Variants in SUGP1 observed in about 807,000 individuals in gnomAD.
SUGP1 encodes SURP and G-patch domain containing 1, also known as SURP and G-patch domain-containing protein 1.
SUGP1 carries 34 observed loss-of-function variants against 76.5 expected under a neutral mutation model. The ratio of observed to expected loss-of-function variants is 0.44; its 90% CI spans 0.34 to 0.59. The LOEUF is 0.59. Among genes scored for constraint, SUGP1 ranks in the 20% least tolerant of loss-of-function variants. SUGP1 has a pLI of 0.01. For synonymous variants in SUGP1, 326 were observed against 326.2 expected (o/e 1.00, Z 0.01); for missense variants, 752 against 851.7 (o/e 0.88, Z 1.46).
In SUGP1 at chr19:19,320,460, T is replaced by A; in HGVS notation, c.34+3A>T. 6.2e-7 allele frequency: 1 copy of A among 1,609,748 alleles called. No individual in the cohort carries two copies. Among genetic ancestry groups the A allele is most frequent in the Non-Finnish European group, 8.5e-7 (1 of 1,178,390 alleles). ...CCGCCTGAGAGGAGGCGGGGGCTGT[T>A]ACCTGCAACATCCCGGTTGTCCATC... On this transcript the variant is annotated splice_donor_region_variant and intron_variant, in intron 1 of 13. Coordinates refer to ENST00000247001, the MANE Select transcript of SUGP1 (RefSeq NM_172231.4).
At chr19:19,298,468 A>G (rs566047395) in intron 7 of SUGP1, among the ~76,000 whole-genome samples, 1 of 152,338 alleles carries the variant, frequency 6.6e-6, no homozygotes, top group East Asian at 1.9e-4. Context: ...ACTGCACTCC[A>G]GCCTGGACCA....
chr19:19,280,623 G>A (rs2061091133), intron 8 of SUGP1: 1 of 290,142 alleles, frequency 3.4e-6, no homozygotes, highest in Admixed American at 4.5e-5. Context: ...TGCAGAGCCA[G>A]AGACAAGAGA....
At chr19:19,312,631 A>C (rs2061360463) in intron 2 of SUGP1, among the ~76,000 whole-genome samples, 1 of 152,242 alleles carries the variant, frequency 6.6e-6, no homozygotes, top group Admixed American at 6.5e-5. Context: ...CGGGCCATCC[A>C]CAGGGAAGAT....
Position 19,276,332 on chromosome 19 carries a change from T to G in SUGP1, c.*316A>C. The G allele has an allele frequency of 3.2e-6, 1 of 315,194 alleles. No individual in the cohort carries two copies. The highest frequency in any genetic ancestry group is 6.0e-6 in the Non-Finnish European group (1 of 165,652). 19.5% of individuals were successfully genotyped at this position (315,194 alleles called of 1,614,324 possible). ...TCTCAAAGTGCTGGGATGACAGGGG[T>G]GAGACACTGCACCTGGCCTTCCAGC... On this transcript the variant is annotated 3_prime_UTR_variant, in exon 14 of 14. Transcript: ENST00000247001.
At chr19:19,282,941 G>C (rs1388588953) in intron 8 of SUGP1, among the ~76,000 whole-genome samples, 1 of 152,124 alleles carries the variant, frequency 6.6e-6, no homozygotes, top group African/African-American at 2.4e-5. Flanking sequence ...GCCAGGCGTG[G>C]TGGCAGGCGC....
At chr19:19,309,844 G>A (rs1599869142) in intron 3 of SUGP1, among the ~76,000 whole-genome samples, 3 of 152,184 alleles carry the variant, frequency 2.0e-5, no homozygotes, top group Non-Finnish European at 4.4e-5. Flanking sequence ...CCCGGGAGGC[G>A]GAGCTTGCAG....
At chr19:19,306,170 T>TG in intron 3 of SUGP1, 94 bp from the exon 4 acceptor site, 1 of 1,267,440 alleles carries the variant, frequency 7.9e-7, no homozygotes, top group Non-Finnish European at 1.1e-6. Flanking sequence ...CCGGGGGAGC[T>TG]GGGTCCTTGA....
intron 3 of SUGP1, among the ~76,000 whole-genome samples, chr19:19,309,796 C>T (rs1402855904): frequency 6.6e-6 from 1 of 152,146 alleles, no homozygotes; most frequent in Non-Finnish European, 1.5e-5. Flanking sequence ...TCTGTAGTCC[C>T]AGGTACTCAG....
intron 5 of SUGP1, 78 bp from the exon 6 acceptor site, chr19:19,303,526 C>A: frequency 7.0e-7 from 1 of 1,435,070 alleles, no homozygotes. Context: ...TTCTATCGTG[C>A]AAAAAAAGGC....
intron 1 of SUGP1, among the ~76,000 whole-genome samples, chr19:19,319,726 A>AAAAAAG (rs1555791701): frequency 6.8e-6 from 1 of 147,438 alleles, no homozygotes; most frequent in South Asian, 2.1e-4. Context: ...AAAAAAAAAA[A>AAAAAAG]AAAGAAAGAA....
At chr19:19,277,694 C>T (rs769979091) in intron 12 of SUGP1, 40 bp downstream of exon 12, 31 of 1,606,632 alleles carry the variant, frequency 1.9e-5, no homozygotes, top group Non-Finnish European at 2.6e-5. Flanking sequence ...CCCACAGACC[C>T]CAAGTTCATG....
chr19:19,279,854 A>G (rs1182936164), intron 9 of SUGP1, among the ~76,000 whole-genome samples: 1 of 152,174 alleles, frequency 6.6e-6, no homozygotes, highest in African/African-American at 2.4e-5. Context: ...AAGAACATCA[A>G]CGTAGACTCT....
chr19:19,312,813 C>A (rs1249898917), intron 2 of SUGP1, among the ~76,000 whole-genome samples: 1 of 151,686 alleles, frequency 6.6e-6, no homozygotes. Flanking sequence ...CAGTGAAACC[C>A]CGTCTCTACT....
intron 1 of SUGP1, among the ~76,000 whole-genome samples, chr19:19,319,939 A>C (rs1009565178): frequency 6.6e-6 from 1 of 152,166 alleles, no homozygotes; most frequent in Non-Finnish European, 1.5e-5. Context: ...TGCTTGGCAC[A>C]CAGTGAGCAC....
At position 19,276,960 on chromosome 19, in the gene SUGP1, C is replaced by A; in HGVS notation, c.1898G>T (p.Arg633Leu). Residue 633 changes from arginine to leucine, a missense_variant, in exon 13 of 14, where the codon CGG becomes CTG. Arg to Leu is a moderately radical substitution (Grantham distance 102). This residue lies in a region of SUGP1 where 132 missense variants were observed against 234.4 expected (regional missense o/e 0.56). Transcript: ENST00000247001. ...RKRMMLAYRF[R>L]PNPLNNPRRP... ...GGACATGCGTACCAGGGGGTTGGGC[C>A]GGAAGCGGTAGGCCAGCATCATCCT... is the stretch of plus-strand genomic sequence containing the variant. 6.2e-7 allele frequency: 1 copy of A among 1,613,092 alleles called. No individual in the cohort carries two copies.
Position 19,297,429 on chromosome 19 carries a change from G to A in SUGP1, c.888-85C>T, listed in dbSNP as rs1599858368. On this transcript the variant is annotated intron_variant, in intron 7 of 13. Transcript: ENST00000247001. ...TGGGCAGGAGCAGTTCTGGCCTTGT[G>A]TGCCCACGTTGGCCAGGGTCACTAT... 3.5e-6 allele frequency: 4 copies of A among 1,131,804 alleles called. No individual in the cohort carries two copies. In the East Asian group the frequency reaches 7.2e-5, roughly 20 times the overall value. The allele number at this position is 1,131,804 out of a possible 1,614,324, so 70.1% of individuals were successfully genotyped here.
Position 19,279,390 on chromosome 19 carries a change from T to C in SUGP1, c.1351A>G (p.Met451Val). 2 of 1,598,878 alleles carry C rather than the reference T, an allele frequency of 1.3e-6. No individual in the cohort carries two copies. The highest frequency in any genetic ancestry group is 3.4e-5 in the Admixed American group (2 of 59,468). The change falls in exon 10 of 14, where the codon ATG becomes GTG. Residue 451 changes from methionine to valine, a missense_variant and splice_region_variant. Around this residue, in one of 2 missense-constraint regions of SUGP1, gnomAD observed 620 missense variants for 617.3 expected, o/e 1.00. Coordinates refer to ENST00000247001, the MANE Select transcript of SUGP1 (RefSeq NM_172231.4). ...ATGATCATGTCGTACATCTGCTGCA[T>C]CTGCAGGGCACACTCGCCAGTGAGC... ...QKKQLKEQQE[M>V]QQMYDMIMQH...
At chr19:19,285,108 C>T (rs1210576339) in intron 8 of SUGP1, among the ~76,000 whole-genome samples, 1 of 151,956 alleles carries the variant, frequency 6.6e-6, no homozygotes, top group African/African-American at 2.4e-5. Flanking sequence ...ACCTCGTGAT[C>T]CGCCCGCCTC....
intron 2 of SUGP1, among the ~76,000 whole-genome samples, chr19:19,312,459 C>G (rs557275826): frequency 6.6e-6 from 1 of 152,162 alleles, no homozygotes; most frequent in African/African-American, 2.4e-5. Flanking sequence ...TTTTTAAACC[C>G]GCATGACGTT....
Sources: gnomAD v4.1 joint callset for allele counts (sites outside exome capture counted in the v4.1 genomes callset) on GRCh38, gnomAD v4.1.1 for gene constraint, gnomAD v4.1.1 regional missense constraint, MANE v1.5 for transcripts, NCBI Gene and HGNC (gene_info 2026-07-23, HGNC 2026-07-21) for gene names.